Variants in PRR5 observed in about 807,000 individuals in gnomAD.
The protein encoded by PRR5 is proline rich 5.
Under a neutral mutation model 30.6 loss-of-function variants are expected in PRR5, and 25 were observed. The observed-to-expected ratio is 0.82, with a 90% confidence interval of 0.60 to 1.14. The LOEUF (loss-of-function observed/expected upper bound fraction) is 1.14, where lower values mean the gene tolerates loss of function less well. Among genes scored for constraint, PRR5 ranks in the 50% most tolerant of loss-of-function variants. PRR5 has a pLI of 0.00. For missense variants in PRR5, 600 were observed against 547.1 expected (o/e 1.10, Z -0.96); for synonymous variants, 286 against 247.1 (o/e 1.16, Z -1.48).
upstream of PRR5, among the ~76,000 whole-genome samples, chr22:44,700,143 C>T (rs770773035): frequency 6.6e-6 from 1 of 152,120 alleles, no homozygotes; most frequent in Admixed American, 6.6e-5. Flanking sequence ...ATAGCAAGAC[C>T]TTGTCTCTAT....
At chr22:44,695,206 TGTCTAC>T (rs1239754686) in intron 1 of PRR5, among the ~76,000 whole-genome samples, 1 of 152,090 alleles carries the variant, frequency 6.6e-6, no homozygotes. Context: ...AGAGAGGGGC[TGTCTAC>T]AAGAAAATCA....
chr22:44,706,981 C>T (rs771153104), intron 1 of PRR5, among the ~76,000 whole-genome samples: 3 of 152,204 alleles, frequency 2.0e-5, no homozygotes, highest in Admixed American at 6.5e-5. Context: ...ACAGATCTGC[C>T]TCCCAGTGCC....
chr22:44,675,806 C>T (rs957956164), upstream of PRR5, among the ~76,000 whole-genome samples: 9 of 105,780 alleles, frequency 8.5e-5, no homozygotes, highest in African/African-American at 3.0e-4. Flanking sequence ...TTACTTAGGT[C>T]ACATATCCTA....
intron 1 of PRR5, among the ~76,000 whole-genome samples, chr22:44,684,548 A>G (rs1312138200): frequency 1.3e-5 from 2 of 152,140 alleles, no homozygotes; most frequent in Non-Finnish European, 2.9e-5. Flanking sequence ...CTCAAAAGAA[A>G]ATGTCCTGGG....
exon 1 of PRR5, chr22:44,677,215 C>T (rs1302206643): frequency 6.6e-6 from 1 of 152,400 alleles, no homozygotes; most frequent in Non-Finnish European, 1.5e-5. Flanking sequence ...CATCCCACCT[C>T]CTGAGTCCTC....
At chr22:44,684,791 G>A (rs946025826) in intron 1 of PRR5, among the ~76,000 whole-genome samples, 1 of 152,242 alleles carries the variant, frequency 6.6e-6, no homozygotes, top group Non-Finnish European at 1.5e-5. Flanking sequence ...CCTTCCTGTC[G>A]CTCTGGTCTG....
upstream of PRR5, among the ~76,000 whole-genome samples, chr22:44,674,415 C>A (rs953914424): frequency 6.6e-6 from 1 of 151,900 alleles, no homozygotes; most frequent in Non-Finnish European, 1.5e-5. Flanking sequence ...ATGGGTGGAT[C>A]GCCTGAGGTC....
At chr22:44,713,941 C>G (rs1928654058) in intron 1 of PRR5, among the ~76,000 whole-genome samples, 2 of 152,210 alleles carry the variant, frequency 1.3e-5, no homozygotes, top group African/African-American at 4.8e-5. Flanking sequence ...GCAGCTGGGA[C>G]TACAGGCGCC....
chr22:44,690,977 G>A (rs1349491393), intron 1 of PRR5, among the ~76,000 whole-genome samples: 1 of 152,110 alleles, frequency 6.6e-6, no homozygotes, highest in Admixed American at 6.5e-5. Context: ...CCTGCAGGCA[G>A]AGGGCCTCAT....
chr22:44,722,645 G>A (rs1042705076), intron 2 of PRR5, among the ~76,000 whole-genome samples: 2 of 152,204 alleles, frequency 1.3e-5, no homozygotes, highest in Admixed American at 1.3e-4. Context: ...GGGCCTCTGA[G>A]GACTAGATCA....
At chr22:44,721,581 G>T (rs766230857) in intron 2 of PRR5, among the ~76,000 whole-genome samples, 28 of 152,188 alleles carry the variant, frequency 1.8e-4, no homozygotes, top group Non-Finnish European at 3.2e-4. Context: ...AAAGGAAGTA[G>T]CCTCCGGTCC....
At position 44,702,452 on chromosome 22, in the gene PRR5, C is replaced by A; in HGVS notation, c.-23C>A. 7.6e-7 allele frequency: 1 copy of A among 1,320,724 alleles called. No individual in the cohort carries two copies. The highest frequency in any genetic ancestry group is 9.7e-7 in the Non-Finnish European group (1 of 1,030,704). The allele number at this position is 1,320,724 out of a possible 1,614,324, so 81.8% of individuals were successfully genotyped here. On this transcript the variant is annotated 5_prime_UTR_variant, in exon 1 of 8. Transcript: ENST00000336985. Reference sequence around the variant, plus strand: ...GCGCGGCGTGGGGCGCGCGTGGGCGCGGCGCAGGCGGCCCGGGTCACCATG... The same window carrying A: ...GCGCGGCGTGGGGCGCGCGTGGGCGAGGCGCAGGCGGCCCGGGTCACCATG...
In PRR5 at chr22:44,708,114, C is replaced by T. The variant is rs1927526546; in HGVS notation, c.134+5506C>T. Among the ~76,000 whole-genome samples the T allele has an allele frequency of 2.0e-5, 3 of 152,114 alleles. No individual in the cohort carries two copies. In the South Asian group the frequency reaches 6.2e-4, roughly 32 times the overall value. The stretch of plus-strand genomic sequence containing the variant: ...CTTTGGGACGTTGAGGCAGGAGAAT[C>T]ACTTGAATCCGGGAGACGGAGGTTG... On this transcript the variant is annotated intron_variant, in intron 1 of 7. Transcript: ENST00000336985.
chr22:44,718,925 T>A (rs1929515531), intron 2 of PRR5, among the ~76,000 whole-genome samples: 1 of 152,232 alleles, frequency 6.6e-6, no homozygotes, highest in Non-Finnish European at 1.5e-5. Context: ...TTGTAAATCT[T>A]TCCTCCCATT....
chr22:44,729,823 C>A, intron 4 of PRR5: 1 of 985,482 alleles, frequency 1.0e-6, no homozygotes, highest in East Asian at 1.1e-4. Context: ...GAACAGCCTG[C>A]GCTGAGCAGA....
At chr22:44,682,129 A>G (rs972099502) in intron 1 of PRR5, among the ~76,000 whole-genome samples, 1 of 152,204 alleles carries the variant, frequency 6.6e-6, no homozygotes, top group Non-Finnish European at 1.5e-5. Flanking sequence ...AGCCAGCCCA[A>G]TGAGGCAGGG....
At chr22:44,730,206 C>T in intron 4 of PRR5, 1 of 985,398 alleles carries the variant, frequency 1.0e-6, no homozygotes, top group African/African-American at 1.7e-5. Flanking sequence ...GCAAAGGTCC[C>T]TGTTCAGCCT....
At chr22:44,724,125 A>G (rs1930335056) in intron 2 of PRR5, among the ~76,000 whole-genome samples, 1 of 152,164 alleles carries the variant, frequency 6.6e-6, no homozygotes, top group South Asian at 2.1e-4. Context: ...GACTGCCTAT[A>G]ATTCAGGACT....
At position 44,735,148 on chromosome 22, in the gene PRR5, A is replaced by T. The variant is rs779960211; in HGVS notation, c.677A>T (p.His226Leu). 8 of 1,612,828 alleles carry T rather than the reference A, an allele frequency of 5.0e-6. No individual in the cohort carries two copies. Among genetic ancestry groups the T allele is most frequent in the Non-Finnish European group, 6.8e-6 (8 of 1,179,826 alleles). Residue 226 changes from histidine (H) to leucine (L), a missense_variant, in exon 7 of 8, where the codon CAT (histidine) becomes CTT (leucine). Physicochemically the swap from His to Leu is moderately conservative, Grantham distance 99 (BLOSUM62 -3). Transcript: ENST00000336985. ...GLHSSEGPFT[H>L]SCILEKRLLR... ...CACTCCAGCGAGGGGCCCTTCACCC[A>T]TTCCTGCATCCTGGGTAGGGGTCCG...
Sources: allele counts gnomAD v4.1 joint callset (sites outside exome capture counted in the v4.1 genomes callset), GRCh38; gene constraint gnomAD v4.1.1; transcripts MANE v1.5; gene names NCBI Gene and HGNC (gene_info 2026-07-23, HGNC 2026-07-21).